MTX2: variants seen among roughly 807,000 people sequenced by gnomAD.
MTX2 encodes the protein metaxin 2.
Under a neutral mutation model 42.3 loss-of-function variants are expected in MTX2, and 35 were observed. The observed-to-expected ratio is 0.83, with a 90% CI of 0.63 to 1.10. MTX2 has a LOEUF of 1.10. Among genes scored for constraint, MTX2 ranks in the 50% least tolerant of loss-of-function variants. MTX2 has a pLI of 0.00. For missense variants in MTX2, 307 were observed against 304.1 expected (o/e 1.01, Z -0.07); for synonymous variants, 119 against 100.9 (o/e 1.18, Z -1.08).
intron 5 of MTX2, among the ~76,000 whole-genome samples, chr2:176,327,125 T>G (rs1684727070): frequency 6.6e-6 from 1 of 151,274 alleles, no homozygotes; most frequent in Non-Finnish European, 1.5e-5. Context: ...GTATGTAATT[T>G]TAATATCTAG....
At chr2:176,314,037 A>G (rs1229185675) in intron 3 of MTX2, among the ~76,000 whole-genome samples, 1 of 151,776 alleles carries the variant, frequency 6.6e-6, no homozygotes, top group Non-Finnish European at 1.5e-5. Flanking sequence ...TGAACTGTGT[A>G]TTGCTTCTTC....
rs554120623 is a variant in MTX2 at position 176,299,821 on chromosome 2, AAGATACCAG to A, written c.135+1928_135+1936del. ...ATCCACAAACTGGATTATTTTCTAG[AAGATACCAG>A]ATATCAAACATCAGATATTTTAATA... On this transcript the variant is annotated intron_variant, in intron 3 of 9. Transcript: ENST00000249442. Among the ~76,000 whole-genome samples, 102 of 152,206 alleles carry A rather than the reference AAGATACCAG, an allele frequency of 6.7e-4. 1 individual carries two copies. The highest frequency in any genetic ancestry group is 2.7e-3 in the Admixed American group (41 of 15,244).
At chr2:176,335,054 A>AT (rs1047467455) in intron 9 of MTX2, among the ~76,000 whole-genome samples, 6 of 151,522 alleles carry the variant, frequency 4.0e-5, no homozygotes, top group African/African-American at 1.5e-4. Flanking sequence ...GCAAAAAAAA[A>AT]ATTATATGGT....
intron 1 of MTX2, among the ~76,000 whole-genome samples, chr2:176,287,326 A>G (rs1693228732): frequency 6.6e-6 from 1 of 152,214 alleles, no homozygotes; most frequent in African/African-American, 2.4e-5. Context: ...AGATGTATGT[A>G]TAATTTACTA....
intron 3 of MTX2, among the ~76,000 whole-genome samples, chr2:176,319,517 G>A (rs926014391): frequency 8.0e-5 from 12 of 149,338 alleles, no homozygotes; most frequent in Admixed American, 7.4e-4. Flanking sequence ...TAGCTTCCTC[G>A]AGTAGCTGGT....
chr2:176,321,746 C>A (rs1353370573), intron 3 of MTX2, among the ~76,000 whole-genome samples: 1 of 152,014 alleles, frequency 6.6e-6, no homozygotes, highest in African/African-American at 2.4e-5. Flanking sequence ...TTGGCCATAC[C>A]CAGTTGTAAG....
At position 176,328,405 on chromosome 2, in the gene MTX2, G is replaced by T; in HGVS notation, c.378+20G>T. 7.0e-7 allele frequency: 1 copy of T among 1,418,890 alleles called. No individual in the cohort carries two copies. Among genetic ancestry groups the T allele is most frequent in the Non-Finnish European group, 9.5e-7 (1 of 1,054,184 alleles). The allele number at this position is 1,418,890 out of a possible 1,614,324, so 87.9% of individuals were successfully genotyped here. ...GCAGAGGTAAAATACTAGATGATAC[G>T]GCTTGAAAATAAGCTTTTTCTCTCA... On this transcript the variant is annotated intron_variant, in intron 6 of 9. Coordinates refer to ENST00000249442, the MANE Select transcript of MTX2 (RefSeq NM_006554.5).
At chr2:176,277,677 C>G (rs1692980501) in intron 1 of MTX2, among the ~76,000 whole-genome samples, 1 of 152,104 alleles carries the variant, frequency 6.6e-6, no homozygotes, top group Non-Finnish European at 1.5e-5. Flanking sequence ...GCTGGGATTA[C>G]AGGCGTGAGC....
In MTX2 at chr2:176,330,640, AC is replaced by A; in HGVS notation, c.602del (p.Pro201ArgfsTer27). On this transcript the variant is annotated frameshift_variant, in exon 9 of 10. Transcript: ENST00000249442. LOFTEE classifies it high-confidence loss of function. ...QALSQRLGTQPYFFNKQPTEL... is the reference protein window; with the variant it reads ...QALSQRLGTQXYFFNKQPTEL... ...CTCTCTCTCAAAGACTGGGAACACA[AC>A]CGTATTTCTTCAATAAGCAGTAAGA... 6.3e-7 allele frequency: 1 copy of A among 1,592,742 alleles called. No individual in the cohort carries two copies. The highest frequency in any genetic ancestry group is 8.6e-7 in the Non-Finnish European group (1 of 1,165,994).
intron 8 of MTX2, 114 bp downstream of exon 8, chr2:176,329,540 C>T: frequency 9.1e-7 from 1 of 1,094,124 alleles, no homozygotes; most frequent in Non-Finnish European, 1.2e-6. Context: ...AAAACCATTT[C>T]CTGTGATTTT....
intron 2 of MTX2, 106 bp from the exon 3 acceptor site, chr2:176,297,743 A>G: frequency 1.9e-6 from 1 of 537,100 alleles, no homozygotes. Context: ...ATAAAACTTT[A>G]GAATTTAGTG....
chr2:176,336,459 G>A lies in MTX2; in HGVS notation c.621-1034G>A, dbSNP rs190743917. Among the ~76,000 whole-genome samples, 71 of 152,156 alleles carry A rather than the reference G, an allele frequency of 4.7e-4. 1 individual carries two copies. The highest frequency in any genetic ancestry group is 1.5e-3 in the African/African-American group (61 of 41,524). On this transcript the variant is annotated intron_variant, in intron 9 of 9. Transcript: ENST00000249442. ...ATTTTTTTGGTCCTATCACCACAGC[G>A]AAATCCTTTGTGCTTTGACAGCATT...
intron 3 of MTX2, among the ~76,000 whole-genome samples, chr2:176,298,767 A>G (rs1683953683): frequency 6.6e-6 from 1 of 152,164 alleles, no homozygotes; most frequent in Non-Finnish European, 1.5e-5. Flanking sequence ...AATATTTTCA[A>G]TCTTTATATC....
intron 9 of MTX2, among the ~76,000 whole-genome samples, chr2:176,337,064 T>C (rs922467313): frequency 3.3e-5 from 5 of 152,200 alleles, no homozygotes; most frequent in Non-Finnish European, 1.5e-5. Flanking sequence ...GGATTACTTA[T>C]AGTACCCAAT....
intron 3 of MTX2, among the ~76,000 whole-genome samples, chr2:176,320,524 C>A (rs1684557515): frequency 6.6e-6 from 1 of 151,988 alleles, no homozygotes; most frequent in African/African-American, 2.4e-5. Flanking sequence ...CAAAAGATTT[C>A]TCCTTCTATT....
At chr2:176,272,298 G>A (rs1692834582) in intron 1 of MTX2, among the ~76,000 whole-genome samples, 2 of 152,070 alleles carry the variant, frequency 1.3e-5, no homozygotes, top group Admixed American at 1.3e-4. Context: ...GTTGATCAAA[G>A]GGAACAAAGT....
chr2:176,323,243 A>G, intron 3 of MTX2, 149 bp from the exon 4 acceptor site: 1 of 646,554 alleles, frequency 1.5e-6, no homozygotes, highest in Non-Finnish European at 2.6e-6. Flanking sequence ...TGTTTGGAAA[A>G]CAAATCCTTC....
In MTX2 at chr2:176,278,040, GGT is replaced by G. The variant is rs1491225889; in HGVS notation, c.40+8372_40+8373del. The stretch of plus-strand genomic sequence containing the variant: ...CTGTATTGCTGAATAGGTTGAAACT[GGT>G]TTTTTTTTTTTTTTTTTTTTTTTTT... On this transcript the variant is annotated intron_variant, in intron 1 of 9. Coordinates refer to ENST00000249442, the MANE Select transcript of MTX2 (RefSeq NM_006554.5). Among the ~76,000 whole-genome samples, 51 of 128,994 alleles carry G rather than the reference GGT, an allele frequency of 4.0e-4. 1 individual carries two copies. The highest frequency in any genetic ancestry group is 1.3e-3 in the African/African-American group (42 of 31,936). 84.6% of individuals were successfully genotyped at this position (128,994 alleles called of 152,430 possible).
intron 1 of MTX2, among the ~76,000 whole-genome samples, chr2:176,280,150 G>A (rs1575032502): frequency 1.3e-5 from 2 of 152,126 alleles, no homozygotes; most frequent in Non-Finnish European, 2.9e-5. Context: ...CAAATCCTGG[G>A]GACTAGAGGC....
Sources: gnomAD v4.1 joint callset for allele counts (sites outside exome capture counted in the v4.1 genomes callset) on GRCh38, gnomAD v4.1.1 for gene constraint, MANE v1.5 for transcripts, NCBI Gene and HGNC (gene_info 2026-07-23, HGNC 2026-07-21) for gene names.